The following GSDMD variants were observed in gnomAD, a reference collection of about 807,000 sequenced individuals.
GSDMD encodes the protein gasdermin D.
A neutral mutation model predicts 46.7 loss-of-function variants in GSDMD; 46 were observed. That is an observed-to-expected ratio of 0.99 (90% CI 0.78 to 1.26). The LOEUF is 1.26. Ranked by LOEUF, GSDMD falls within the 50% of genes most tolerant of loss-of-function variation. The pLI is 0.00. For synonymous variants in GSDMD, 307 were observed against 283.1 expected (o/e 1.08, Z -0.85); for missense variants, 649 against 638.8 (o/e 1.02, Z -0.17).
At position 143,561,794 on chromosome 8, in the gene GSDMD, C is replaced by G. The variant is rs1453350882; in HGVS notation, c.789C>G (p.Leu263=). 3 of 1,610,948 alleles carry G rather than the reference C, an allele frequency of 1.9e-6. No homozygotes were observed. In the African/African-American group the frequency reaches 4.0e-5, roughly 21 times the overall value. Reference sequence around the variant, plus strand: ...CCTGGCCACAGCTGCCCTCTGGCCTCTCCATGATGAGGTGCCTCCACAACT... The same window carrying G: ...CCTGGCCACAGCTGCCCTCTGGCCTGTCCATGATGAGGTGCCTCCACAACT... The part of the protein sequence containing the change: ...EGAWPQLPSG[L]SMMRCLHNFL... Residue 263 remains leucine (L), a synonymous_variant, in exon 7 of 11, where the codon CTC becomes CTG. Transcript: ENST00000262580.
Position 143,559,535 on chromosome 8 carries a change from C to G in GSDMD, c.200C>G (p.Pro67Arg), listed in dbSNP as rs758431028. 3 of 1,612,550 alleles carry G rather than the reference C, an allele frequency of 1.9e-6. No homozygotes were observed. Among genetic ancestry groups the G allele is most frequent in the Non-Finnish European group, 1.7e-6 (2 of 1,179,790 alleles). ...VNLSIKDILE[P>R]DAAEPDVQRG... ...CTGTCTATCAAGGACATCCTGGAGC[C>G]GGATGCCGCGGAACCAGGTGCCTGA... is the stretch of plus-strand genomic sequence containing the variant. Residue 67 changes from proline to arginine, a missense_variant, in exon 2 of 11, where the codon CCG becomes CGG. By Grantham distance (103) the Pro-to-Arg change is moderately radical. Coordinates refer to ENST00000262580, the MANE Select transcript of GSDMD (RefSeq NM_024736.7).
Position 143,562,803 on chromosome 8 carries a change from G to T in GSDMD, c.1354G>T (p.Asp452Tyr). 2 of 1,603,682 alleles carry T rather than the reference G, an allele frequency of 1.2e-6. No individual in the cohort carries two copies. ...LDECGLELGE[D>Y]TPHVCWEPQA... Reference sequence around the variant, plus strand: ...CGAGTGTGGCCTAGAGCTGGGGGAGGACACTCCCCACGTGTGCTGGGAGCC... The same window carrying T: ...CGAGTGTGGCCTAGAGCTGGGGGAGTACACTCCCCACGTGTGCTGGGAGCC... The change falls in exon 11 of 11, where the codon GAC becomes TAC. Residue 452 changes from aspartate (D) to tyrosine (Y), a missense_variant. Coordinates refer to ENST00000262580, the MANE Select transcript of GSDMD (RefSeq NM_024736.7).
upstream of GSDMD, among the ~76,000 whole-genome samples, chr8:143,557,477 G>A (rs1318599840): frequency 6.7e-6 from 1 of 150,140 alleles, no homozygotes; most frequent in Non-Finnish European, 1.5e-5. Context: ...GGATGATGCC[G>A]CTGTGACGAC....
At chr8:143,560,841 G>T in intron 4 of GSDMD, 70 bp downstream of exon 4, 1 of 1,447,802 alleles carries the variant, frequency 6.9e-7, no homozygotes, top group Non-Finnish European at 9.1e-7. Flanking sequence ...CGGAGGCGGC[G>T]GGCTGGGCTC....
rs1224377849 is a variant in GSDMD, at chr8:143,558,833, C to T, written c.-5+382C>T. The T allele has an allele frequency of 5.5e-6, 3 of 550,234 alleles. No homozygotes were observed. In the Admixed American group the frequency reaches 6.6e-5, roughly 12 times the overall value. The allele number at this position is 550,234 out of a possible 1,614,324, so 34.1% of individuals were successfully genotyped here. On this transcript the variant is annotated intron_variant, in intron 1 of 10. Coordinates refer to ENST00000262580, the MANE Select transcript of GSDMD (RefSeq NM_024736.7). ...TATCCCAGCGGAGGCCCGCTATGGC[C>T]TCTGACCCCCAAAGCCTCAGCCTTG...
upstream of GSDMD, among the ~76,000 whole-genome samples, chr8:143,554,320 G>C (rs1336657193): frequency 6.6e-6 from 1 of 152,272 alleles, no homozygotes; most frequent in Non-Finnish European, 1.5e-5. Flanking sequence ...GCAAATGCAC[G>C]TGTACATGCC....
chr8:143,562,478 C>A lies in GSDMD; in HGVS notation c.1169C>A (p.Ala390Glu). ...AGTGAAACGCAGCACAAGCTGCTGG[C>A]GGAGGCGCTGGAGTCGCAGACCCTG... ...MLSETQHKLLAEALESQTLLG... is the reference protein window; with the variant it reads ...MLSETQHKLLEEALESQTLLG... Residue 390 changes from alanine to glutamate, a missense_variant, in exon 10 of 11, where the codon GCG becomes GAG. Transcript: ENST00000262580. 1 of 1,609,070 alleles carries A rather than the reference C, an allele frequency of 6.2e-7. No homozygotes were observed. The highest frequency in any genetic ancestry group is 8.5e-7 in the Non-Finnish European group (1 of 1,179,646).
intron 5 of GSDMD, 97 bp from the exon 6 acceptor site, chr8:143,561,273 G>GC (rs1823453915): frequency 7.8e-7 from 1 of 1,284,970 alleles, no homozygotes; most frequent in African/African-American, 1.5e-5. Flanking sequence ...ATTGGGCAGG[G>GC]CCTGAGCTGG....
upstream of GSDMD, among the ~76,000 whole-genome samples, chr8:143,557,017 G>A (rs543786123): frequency 6.6e-6 from 1 of 152,322 alleles, no homozygotes; most frequent in Admixed American, 6.5e-5. Context: ...CCCCCGTCCC[G>A]GGCACCGGCA....
At chr8:143,561,127 T>TCGGGCC in intron 5 of GSDMD, 23 bp downstream of exon 5, 2 of 1,601,632 alleles carry the variant, frequency 1.2e-6, no homozygotes, top group Non-Finnish European at 8.5e-7. Context: ...TGGGGGTGTC[T>TCGGGCC]CGGGCCCAGG....
intron 3 of GSDMD, 113 bp downstream of exon 3, chr8:143,560,082 C>A: frequency 1.9e-6 from 2 of 1,061,804 alleles, no homozygotes; most frequent in Non-Finnish European, 2.8e-6. Flanking sequence ...CTATCTCGGC[C>A]AGGGTGGTCT....
intron 2 of GSDMD, 31 bp downstream of exon 2, chr8:143,559,583 A>G (rs4874151): frequency 1.3e-6 from 2 of 1,596,916 alleles, no homozygotes; most frequent in Non-Finnish European, 1.7e-6. Context: ...GCAGAGCCCC[A>G]GGGAGGCTGG....
At chr8:143,558,201 G>C (rs1052354922), upstream of GSDMD, 1 of 914,158 alleles carries the variant, frequency 1.1e-6, no homozygotes, top group Non-Finnish European at 1.6e-6. Flanking sequence ...AGGCTACCAG[G>C]ATGGGGCGCC....
At position 143,562,314 on chromosome 8, in the gene GSDMD, G is replaced by T. The variant is rs766860336; in HGVS notation, c.1102G>T (p.Ala368Ser). Residue 368 changes from alanine (A) to serine (S), a missense_variant, in exon 9 of 11, where the codon GCT becomes TCT. By Grantham distance (99) the Ala-to-Ser change is moderately conservative. Transcript: ENST00000262580. Reference sequence around the variant, plus strand: ...CTCCGGAATGCTGGTGCCGGAACTCGCTATCCCTGTTGTCTACCTGCTGGG... The same window carrying T: ...CTCCGGAATGCTGGTGCCGGAACTCTCTATCCCTGTTGTCTACCTGCTGGG... ...LSSGMLVPELAIPVVYLLGAL... is the reference protein window; with the variant it reads ...LSSGMLVPELSIPVVYLLGAL... 1.3e-6 allele frequency: 2 copies of T among 1,520,934 alleles called. No individual in the cohort carries two copies. The highest frequency in any genetic ancestry group is 1.8e-6 in the Non-Finnish European group (2 of 1,130,522). 94.2% of individuals were successfully genotyped at this position (1,520,934 alleles called of 1,614,324 possible). A position where few individuals can be genotyped will look rare whatever the true frequency, so the allele number is the denominator to read the frequency against.
At chr8:143,559,730 G>A in intron 2 of GSDMD, 47 bp from the exon 3 acceptor site, 3 of 1,523,278 alleles carry the variant, frequency 2.0e-6, no homozygotes, top group Non-Finnish European at 2.7e-6. Context: ...TGGGGGCGGG[G>A]GAGAGGCGGG....
In GSDMD at chr8:143,558,434, G is replaced by C. The variant is rs1021439955; in HGVS notation, c.-22G>C. 1 of 1,504,396 alleles carries C rather than the reference G, an allele frequency of 6.6e-7. No individual in the cohort carries two copies. The highest frequency in any genetic ancestry group is 8.8e-7 in the Non-Finnish European group (1 of 1,133,144). The allele number at this position is 1,504,396 out of a possible 1,614,324, so 93.2% of individuals were successfully genotyped here. ...CAGACGCGCCAGACGCGCCACCCTC[G>C]GGGCGCCGACGGTCACGGTGAGCTG... On this transcript the variant is annotated 5_prime_UTR_variant, in exon 1 of 11. Coordinates refer to ENST00000262580, the MANE Select transcript of GSDMD (RefSeq NM_024736.7).
At chr8:143,558,529 A>ATGCTGGCCCTGC in intron 1 of GSDMD, 78 bp downstream of exon 1, 1 of 1,293,548 alleles carries the variant, frequency 7.7e-7, no homozygotes, top group Non-Finnish European at 1.0e-6. Context: ...CGGGTGGGGG[A>ATGCTGGCCCTGC]TGCTGGCCCT....
rs140547039 is a variant in GSDMD at position 143,562,778 on chromosome 8, C to T, written c.1329C>T (p.Asp443=). The T allele has an allele frequency of 1.5e-4, 243 of 1,592,772 alleles. No individual in the cohort carries two copies. In the African/African-American group the frequency reaches 2.9e-3, roughly 19 times the overall value. The change falls in exon 11 of 11, where the codon GAC becomes GAT. Residue 443 remains aspartate (D), a synonymous_variant. Transcript: ENST00000262580. ...GEGAPAWVLL[D]ECGLELGEDT... is the part of the protein sequence containing the mutation. ...GAGCACCGGCCTGGGTCTTGCTGGA[C>T]GAGTGTGGCCTAGAGCTGGGGGAGG...
At chr8:143,559,013 T>G in intron 1 of GSDMD, 1 of 426,690 alleles carries the variant, frequency 2.3e-6, no homozygotes, top group Non-Finnish European at 4.3e-6. Flanking sequence ...AGGTGACAGC[T>G]TGTTTCCTCC....
Sources: gnomAD v4.1 joint callset for allele counts (sites outside exome capture counted in the v4.1 genomes callset) on GRCh38, gnomAD v4.1.1 for gene constraint, MANE v1.5 for transcripts, NCBI Gene and HGNC (gene_info 2026-07-23, HGNC 2026-07-21) for gene names.